The following CYGB variants were observed in gnomAD, a reference collection of about 807,000 sequenced individuals.
CYGB encodes the protein histoglobin.
A neutral mutation model predicts 20.7 loss-of-function variants in CYGB; 13 were observed. That is an observed-to-expected ratio of 0.63 (90% CI 0.41 to 1.00). CYGB has a LOEUF of 1.00. Among genes scored for constraint, CYGB ranks in the 50% least tolerant of loss-of-function variants. The probability of loss-of-function intolerance (pLI) is 0.00; values close to 1 mark genes in which losing one functional copy is unlikely to be tolerated. For missense variants in CYGB, 218 were observed against 257.2 expected, an observed-to-expected ratio of 0.85 and a Z score of 1.04; for synonymous variants, 93 against 107.4, an observed-to-expected ratio of 0.87 and a Z score of 0.83.
chr17:76,529,503 T>G (rs2074808922), intron 3 of CYGB: 1 of 985,320 alleles, frequency 1.0e-6, no homozygotes, highest in African/African-American at 1.7e-5. Context: ...GTGTTTCTGA[T>G]TCACTGGGGC....
At chr17:76,529,261 G>A (rs1385100502) in intron 3 of CYGB, 2 of 985,318 alleles carry the variant, frequency 2.0e-6, no homozygotes, top group African/African-American at 3.5e-5. Flanking sequence ...CTAGGGGTGG[G>A]CTAGAGGGTG....
In CYGB at chr17:76,531,412, C is replaced by A. The variant is rs778594394; in HGVS notation, c.375+48G>T. Reference sequence around the variant, plus strand: ...CGCAGAGCCTGCGAGCTGCAGATGGCCATGACGCGTGGGCGGTGGGGGCTC... The same window carrying A: ...CGCAGAGCCTGCGAGCTGCAGATGGACATGACGCGTGGGCGGTGGGGGCTC... On this transcript the variant is annotated intron_variant, in intron 2 of 3. Coordinates refer to ENST00000293230, the MANE Select transcript of CYGB (RefSeq NM_134268.5). This position sits in a 1 kb window ranked among gnomAD's most constrained non-coding sequence, Gnocchi z 7.4. 1.3e-6 allele frequency: 2 copies of A among 1,576,038 alleles called. No individual in the cohort carries two copies. Among genetic ancestry groups the A allele is most frequent in the East Asian group, 2.3e-5 (1 of 44,114 alleles).
At chr17:76,540,397 C>G (rs2143143805), upstream of CYGB, 1 of 1,358,294 alleles carries the variant, frequency 7.4e-7, no homozygotes, top group South Asian at 1.2e-5. This position sits in a 1 kb window ranked among gnomAD's most constrained non-coding sequence, Gnocchi z 5.0. Flanking sequence ...TTCAAAGGCT[C>G]TAGTTGCAGC....
chr17:76,539,775 G>A (rs1260845569), upstream of CYGB, among the ~76,000 whole-genome samples: 1 of 152,190 alleles, frequency 6.6e-6, no homozygotes, highest in African/African-American at 2.4e-5. Context: ...GTGCCCTGTA[G>A]GCGCCTTGAA....
chr17:76,539,651 T>C (rs774315560), upstream of CYGB, among the ~76,000 whole-genome samples: 3 of 152,238 alleles, frequency 2.0e-5, no homozygotes, highest in Non-Finnish European at 4.4e-5. Flanking sequence ...CATGCTTTCA[T>C]GTCAGTAGCT....
Position 76,537,643 on chromosome 17 carries a change from G to A in CYGB, c.-101C>T, listed in dbSNP as rs866977912. ...GGGAGCCGGGGCCGGCTGCGTGCGC[G>A]GCGGGCGGGCGAGGGGTAGAGCGCG... On this transcript the variant is annotated 5_prime_UTR_variant, in exon 1 of 4. Transcript: ENST00000293230. The A allele has an allele frequency of 8.3e-6, 8 of 959,392 alleles. No homozygotes were observed. In the African/African-American group the frequency reaches 1.4e-4, roughly 17 times the overall value. 59.4% of individuals were successfully genotyped at this position (959,392 alleles called of 1,614,324 possible).
In CYGB at chr17:76,528,910, C is replaced by T. The variant is rs547100432; in HGVS notation, c.540-299G>A. 3.8e-5 allele frequency: 45 copies of T among 1,186,222 alleles called. No homozygotes were observed. The highest frequency in any genetic ancestry group is 4.4e-5 in the Non-Finnish European group (42 of 959,656). The allele number at this position is 1,186,222 out of a possible 1,614,324, so 73.5% of individuals were successfully genotyped here. ...AAAGTGTTTCACAAACTGCAAAGCA[C>T]GATACCAATGTGAGCTCTTTTTCCA... On this transcript the variant is annotated intron_variant, in intron 3 of 3. Transcript: ENST00000293230. This position sits in a 1 kb window ranked among gnomAD's most constrained non-coding sequence, Gnocchi z 5.8.
At position 76,528,877 on chromosome 17, in the gene CYGB, T is replaced by A; in HGVS notation, c.540-266A>T. 1 of 1,218,308 alleles carries A rather than the reference T, an allele frequency of 8.2e-7. No homozygotes were observed. Among genetic ancestry groups the A allele is most frequent in the Non-Finnish European group, 1.0e-6 (1 of 979,346 alleles). 75.5% of individuals were successfully genotyped at this position (1,218,308 alleles called of 1,614,324 possible). ...ATAATGTCTGTCTTGTGACATAAAC[T>A]GGGTAAAAAAGTGTTTCACAAACTG... On this transcript the variant is annotated intron_variant, in intron 3 of 3. Coordinates refer to ENST00000293230, the MANE Select transcript of CYGB (RefSeq NM_134268.5). This position sits in a 1 kb window ranked among gnomAD's most constrained non-coding sequence, Gnocchi z 5.8.
At chr17:76,534,089 C>G (rs963332719) in intron 1 of CYGB, among the ~76,000 whole-genome samples, 9 of 7,652 alleles carry the variant, frequency 1.2e-3, no homozygotes, top group African/African-American at 1.5e-3. Flanking sequence ...TGTTATTGTA[C>G]CTTTTTTCTT....
rs1390041488 is a variant in CYGB, at chr17:76,527,520, T to C, written c.*1058A>G. Reference sequence around the variant, plus strand: ...AGGAGCCACAGCAGCAAAACATCCTTGAAGACGACACACGTGACCAAGGGG... The same window carrying C: ...AGGAGCCACAGCAGCAAAACATCCTCGAAGACGACACACGTGACCAAGGGG... On this transcript the variant is annotated 3_prime_UTR_variant, in exon 4 of 4. Transcript: ENST00000293230. 5 of 431,974 alleles carry C rather than the reference T, an allele frequency of 1.2e-5. No homozygotes were observed. Among genetic ancestry groups the C allele is most frequent in the Non-Finnish European group, 1.9e-5 (4 of 212,148 alleles). The allele number at this position is 431,974 out of a possible 1,614,324, so 26.8% of individuals were successfully genotyped here.
chr17:76,538,833 T>C (rs1463040514), upstream of CYGB, among the ~76,000 whole-genome samples: 1 of 152,246 alleles, frequency 6.6e-6, no homozygotes, highest in Admixed American at 6.5e-5. Context: ...GAGATGTCAC[T>C]CAGGCTCCCG....
At chr17:76,540,312 A>C, upstream of CYGB, 2 of 1,407,160 alleles carry the variant, frequency 1.4e-6, no homozygotes. The surrounding 1 kb of genome is among the most constrained non-coding windows in gnomAD (Gnocchi z 5.0). Context: ...GGCTGCGTGA[A>C]CCTTCAGCGG....
At chr17:76,545,257 C>T (rs1196119117) in intron 1 of CYGB, 1 of 456,794 alleles carries the variant, frequency 2.2e-6, no homozygotes, top group Admixed American at 2.3e-5. Flanking sequence ...CCACAGAAGG[C>T]TCCTGGGACC....
chr17:76,541,912 G>A (rs2074996723), upstream of CYGB, among the ~76,000 whole-genome samples: 1 of 152,224 alleles, frequency 6.6e-6, no homozygotes, highest in South Asian at 2.1e-4. Flanking sequence ...TGGTGAGGGT[G>A]CAGAGTGATT....
In CYGB at chr17:76,546,711, T is replaced by G. The variant is rs1466863502; in HGVS notation, c.-53+4151A>C. 3 of 152,208 alleles carry G rather than the reference T, an allele frequency of 2.0e-5. No homozygotes were observed. In the East Asian group the frequency reaches 5.8e-4, roughly 29 times the overall value. 9.4% of individuals were successfully genotyped at this position (152,208 alleles called of 1,614,324 possible). A position where few individuals can be genotyped will look rare whatever the true frequency, so the allele number is the denominator to read the frequency against. On this transcript the variant is annotated intron_variant, in intron 1 of 3. Coordinates refer to the CYGB transcript ENST00000589145. This position sits in a 1 kb window ranked among gnomAD's most constrained non-coding sequence, Gnocchi z 4.5. ...AGAACAGTTTGGTTCGCACGGAAGC[T>G]TATGTTAACATAATGATGATACTAA...
intron 3 of CYGB, chr17:76,529,213 T>C (rs2074804220): frequency 2.0e-6 from 2 of 985,284 alleles, no homozygotes; most frequent in African/African-American, 3.5e-5. Flanking sequence ...ATGGGGACCC[T>C]GGCAGCAGGG....
chr17:76,531,083 A>C lies in CYGB; in HGVS notation c.435T>G (p.Pro145=). ...VAEEFASDFP[P]ETQRAWAKLR... Reference sequence around the variant, plus strand: ...GCTTGGCCCAGGCTCTCTGCGTCTCAGGTGGGAAGTCACTGGCAAATTCCT... The same window carrying C: ...GCTTGGCCCAGGCTCTCTGCGTCTCCGGTGGGAAGTCACTGGCAAATTCCT... The change falls in exon 3 of 4, where the codon CCT becomes CCG. Residue 145 remains proline, a synonymous_variant. Coordinates refer to ENST00000293230, the MANE Select transcript of CYGB (RefSeq NM_134268.5). The surrounding 1 kb of genome is among the most constrained non-coding windows in gnomAD (Gnocchi z 7.4). 6.2e-7 allele frequency: 1 copy of C among 1,613,690 alleles called. No individual in the cohort carries two copies.
At chr17:76,544,970 A>G (rs1456521001) in intron 1 of CYGB, 1 of 455,172 alleles carries the variant, frequency 2.2e-6, no homozygotes, top group Non-Finnish European at 4.4e-6. Context: ...GGCGGGAAAA[A>G]GAGAGGAAGG....
In CYGB at chr17:76,537,506, T is replaced by A. The variant is rs2074932301; in HGVS notation, c.37A>T (p.Arg13Trp). 1 of 1,578,110 alleles carries A rather than the reference T, an allele frequency of 6.3e-7. No homozygotes were observed. The highest frequency in any genetic ancestry group is 8.6e-7 in the Non-Finnish European group (1 of 1,164,154). ...TCGGACAGCTCCTCGCTCCGCTCCC[T>A]GCGCTCGATCTCCATCTCGCCTGGC... ...KVPGEMEIER[R>W]ERSEELSEAE... is the part of the protein sequence containing the mutation. The change falls in exon 1 of 4, where the codon AGG (arginine) becomes TGG (tryptophan). Residue 13 changes from arginine (R) to tryptophan (W), a missense_variant. By Grantham distance (101) the Arg-to-Trp change is moderately radical (BLOSUM62 -3). Around this residue, in one of 2 missense-constraint regions of CYGB, gnomAD observed 152 missense variants for 149.9 expected, o/e 1.01. Transcript: ENST00000293230.
Sources: gnomAD v4.1 joint callset for allele counts (sites outside exome capture counted in the v4.1 genomes callset) on GRCh38, gnomAD v4.1.1 for gene constraint, gnomAD v4.1.1 regional missense constraint, Gnocchi (gnomAD v3.1) non-coding constraint, MANE v1.5 for transcripts, NCBI Gene and HGNC (gene_info 2026-07-23, HGNC 2026-07-21) for gene names.